TSHZ2: variants seen among roughly 807,000 people sequenced by gnomAD.
TSHZ2 encodes the protein teashirt zinc finger homeobox 2, also known as teashirt homolog 2.
TSHZ2 carries 21 observed loss-of-function variants against 74.4 expected under a neutral mutation model. That is an observed-to-expected ratio of 0.28 (90% CI 0.20 to 0.41). The LOEUF is 0.41. Ranked by LOEUF, TSHZ2 falls within the 10% of genes least tolerant of loss-of-function variation. The probability of loss-of-function intolerance (pLI) is 1.00; values close to 1 mark genes in which losing one functional copy is unlikely to be tolerated. For missense variants in TSHZ2, 1,244 were observed against 1,293.5 expected (o/e 0.96, Z 0.59); for synonymous variants, 540 against 515.3 (o/e 1.05, Z -0.65).
intron 2 of TSHZ2, among the ~76,000 whole-genome samples, chr20:53,288,116 G>T (rs1568853099): frequency 6.6e-6 from 1 of 151,962 alleles, no homozygotes. Context: ...CTAGTTACCG[G>T]TAGGCCAGGT....
intron 1 of TSHZ2, among the ~76,000 whole-genome samples, chr20:52,976,101 AGTTAT>A (rs978028182): frequency 3.3e-5 from 5 of 152,356 alleles, no homozygotes; most frequent in African/African-American, 1.2e-4. Flanking sequence ...TTGTATTATT[AGTTAT>A]AAGTTCCATG....
chr20:53,394,387 CTG>C (rs66479245), intron 2 of TSHZ2, among the ~76,000 whole-genome samples: 12,510 of 152,156 alleles, frequency 0.082, 602 homozygotes, highest in African/African-American at 0.094. Context: ...ACTATTAAAA[CTG>C]AAAATAAGTT....
intron 1 of TSHZ2, among the ~76,000 whole-genome samples, chr20:53,015,690 CATT>C (rs1462974193): frequency 6.6e-6 from 1 of 152,128 alleles, no homozygotes; most frequent in Admixed American, 6.5e-5. Context: ...GCCTCTACCT[CATT>C]ATTTTGGAAG....
At chr20:52,990,360 A>T (rs1020604516) in intron 1 of TSHZ2, among the ~76,000 whole-genome samples, 2 of 152,048 alleles carry the variant, frequency 1.3e-5, no homozygotes, top group Non-Finnish European at 2.9e-5. Flanking sequence ...GGCACTTGAA[A>T]AATGCCTGCT....
intron 1 of TSHZ2, among the ~76,000 whole-genome samples, chr20:53,193,217 G>A (rs1016111661): frequency 1.3e-5 from 2 of 150,712 alleles, no homozygotes; most frequent in African/African-American, 2.4e-5. Context: ...CTGGTTTCCT[G>A]TATTCAGAAA....
intron 1 of TSHZ2, among the ~76,000 whole-genome samples, chr20:52,990,647 T>A (rs1009852608): frequency 5.9e-5 from 9 of 152,182 alleles, no homozygotes; most frequent in African/African-American, 2.2e-4. Flanking sequence ...GCCCCCCGGA[T>A]TTTGTGTTAC....
chr20:53,401,549 AC>A (rs1252732908), intron 2 of TSHZ2, among the ~76,000 whole-genome samples: 1 of 37,202 alleles, frequency 2.7e-5, no homozygotes, highest in African/African-American at 1.6e-4. Context: ...ACTCCTTCCA[AC>A]CCCTCCCCCC....
At chr20:53,439,587 A>G (rs1984233132) in intron 2 of TSHZ2, among the ~76,000 whole-genome samples, 1 of 152,228 alleles carries the variant, frequency 6.6e-6, no homozygotes, top group Non-Finnish European at 1.5e-5. Context: ...ATTACATGCT[A>G]TAGTATAGAT....
At chr20:53,463,238 T>C (rs1033748890) in intron 2 of TSHZ2, among the ~76,000 whole-genome samples, 4 of 152,002 alleles carry the variant, frequency 2.6e-5, no homozygotes, top group Non-Finnish European at 5.9e-5. Flanking sequence ...GAAATGCAGT[T>C]TTAGGATTGG....
At chr20:53,103,495 G>A (rs1986275650) in intron 1 of TSHZ2, among the ~76,000 whole-genome samples, 1 of 152,196 alleles carries the variant, frequency 6.6e-6, no homozygotes, top group East Asian at 1.9e-4. Context: ...AAATTGTTTG[G>A]GGGGAAATAT....
At chr20:53,451,896 T>G (rs544894930) in intron 2 of TSHZ2, among the ~76,000 whole-genome samples, 7 of 152,334 alleles carry the variant, frequency 4.6e-5, no homozygotes, top group Middle Eastern at 3.4e-3. Context: ...ATGAATGAAT[T>G]GTTTTGCTAG....
intron 1 of TSHZ2, among the ~76,000 whole-genome samples, chr20:53,008,574 G>A (rs1200079871): frequency 2.0e-5 from 3 of 150,244 alleles, no homozygotes; most frequent in South Asian, 2.1e-4. Context: ...TTTTTTTTAC[G>A]GGAATTGACA....
intron 1 of TSHZ2, among the ~76,000 whole-genome samples, chr20:53,082,091 A>G (rs1021192263): frequency 6.6e-6 from 1 of 152,150 alleles, no homozygotes; most frequent in African/African-American, 2.4e-5. Context: ...GACACTTCTA[A>G]ATAGCTTCAA....
At chr20:53,286,926 C>CACGT (rs1555846268) in intron 2 of TSHZ2, among the ~76,000 whole-genome samples, 1 of 147,408 alleles carries the variant, frequency 6.8e-6, no homozygotes. Context: ...CACACACACA[C>CACGT]GTAACACTTC....
chr20:53,042,306 A>G (rs1425791481), intron 1 of TSHZ2, among the ~76,000 whole-genome samples: 1 of 152,334 alleles, frequency 6.6e-6, no homozygotes, highest in East Asian at 1.9e-4. Context: ...ATCATCTGGC[A>G]ACACAATGTT....
intron 2 of TSHZ2, among the ~76,000 whole-genome samples, chr20:53,340,177 C>CTTTTT (rs74177489): frequency 0.3 from 26,883 of 89,042 alleles, 5,521 homozygotes; most frequent in Non-Finnish European, 0.38. Context: ...ACTTTTCTTT[C>CTTTTT]TTTTTTCTTT....
chr20:53,469,667 A>AG (rs1985713110), intron 2 of TSHZ2, among the ~76,000 whole-genome samples: 1 of 84,812 alleles, frequency 1.2e-5, no homozygotes. Context: ...GAAGGAAGGA[A>AG]GGAAGGAAGG....
chr20:53,126,460 T>C (rs527299944), intron 1 of TSHZ2, among the ~76,000 whole-genome samples: 2 of 152,294 alleles, frequency 1.3e-5, no homozygotes, highest in Admixed American at 1.3e-4. Flanking sequence ...TGAGTATTTG[T>C]AGGTTTGGGG....
chr20:53,342,968 T>C (rs1328240473), intron 2 of TSHZ2, among the ~76,000 whole-genome samples: 1 of 120,400 alleles, frequency 8.3e-6, no homozygotes, highest in Non-Finnish European at 1.7e-5. Context: ...TTTTTTTTTT[T>C]TTTTTTTTTT....
Sources: gnomAD v4.1 joint callset for allele counts (sites outside exome capture counted in the v4.1 genomes callset) on GRCh38, gnomAD v4.1.1 for gene constraint, MANE v1.5 for transcripts, NCBI Gene and HGNC (gene_info 2026-07-23, HGNC 2026-07-21) for gene names.